The following COL18A1 variants were observed in gnomAD, a reference collection of about 807,000 sequenced individuals.
COL18A1 encodes the protein collagen type XVIII alpha 1 chain.
In COL18A1, 133 loss-of-function variants were observed where a neutral mutation model predicts 168.0. That is an observed-to-expected ratio of 0.79 (90% CI 0.69 to 0.91). The LOEUF is 0.91. Among genes scored for constraint, COL18A1 ranks in the 40% least tolerant of loss-of-function variants. The probability of loss-of-function intolerance (pLI) is 0.00; values close to 1 mark genes in which losing one functional copy is unlikely to be tolerated. For synonymous variants in COL18A1, 949 were observed against 809.0 expected (o/e 1.17, Z -2.94); for missense variants, 2,126 against 1,925.4 (o/e 1.10, Z -1.95).
chr21:45,488,323 G>A (rs17339524), intron 17 of COL18A1, 95 bp from the exon 18 acceptor site: 49,109 of 1,518,554 alleles, frequency 0.032, 960 homozygotes, highest in Middle Eastern at 0.041. Flanking sequence ...GTATTTTGAA[G>A]TCTTGACTGT....
At chr21:45,493,066 C>T in intron 24 of COL18A1, 97 bp from the exon 25 acceptor site, 2 of 1,250,664 alleles carry the variant, frequency 1.6e-6, no homozygotes, top group South Asian at 1.3e-5. Context: ...TCGAGGCAGG[C>T]ATATTGCGGG....
At chr21:45,465,623 G>A (rs962247532) in intron 2 of COL18A1, among the ~76,000 whole-genome samples, 2 of 152,162 alleles carry the variant, frequency 1.3e-5, no homozygotes, top group East Asian at 1.9e-4. Flanking sequence ...ATGTGGGCAC[G>A]AGCGGCCCTG....
rs550476058 is a variant in COL18A1 at position 45,444,149 on chromosome 21, C to T, written c.107-24093C>T. 3.9e-5 allele frequency among the ~76,000 whole-genome samples: 6 copies of T among 152,354 alleles called. No individual in the cohort carries two copies. The South Asian group carries it at 1.2e-3, about 32-fold the overall frequency. On this transcript the variant is annotated intron_variant, in intron 2 of 41. Coordinates refer to ENST00000651438, the MANE Select transcript of COL18A1 (RefSeq NM_001379500.1). The stretch of plus-strand genomic sequence containing the variant: ...GTCCCGTGGCGTCCTCTACCCTTTC[C>T]CATGTGACACATTCGCTCCATGGTA...
intron 2 of COL18A1, among the ~76,000 whole-genome samples, chr21:45,433,758 G>A (rs1034332244): frequency 5.3e-5 from 8 of 152,214 alleles, no homozygotes; most frequent in African/African-American, 1.2e-4. Context: ...TTGGCCAGCC[G>A]TGTGACTGTT....
intron 32 of COL18A1, among the ~76,000 whole-genome samples, chr21:45,503,469 A>G (rs2036975534): frequency 6.6e-6 from 1 of 152,056 alleles, no homozygotes; most frequent in South Asian, 2.1e-4. Flanking sequence ...AAAAATGATG[A>G]GTTCATGTCC....
At chr21:45,482,557 T>G (rs955770811) in intron 14 of COL18A1, among the ~76,000 whole-genome samples, 3 of 152,164 alleles carry the variant, frequency 2.0e-5, no homozygotes, top group Non-Finnish European at 4.4e-5. Flanking sequence ...AGGCCCCACG[T>G]GTAGCCAGGT....
chr21:45,512,122 G>C, intron 41 of COL18A1, 66 bp from the exon 42 acceptor site: 2 of 1,535,436 alleles, frequency 1.3e-6, no homozygotes, highest in South Asian at 1.2e-5. Context: ...TTTCCTGCCC[G>C]GGGAGCGGCC....
intron 2 of COL18A1, chr21:45,422,417 C>T (rs751362004): frequency 5.4e-5 from 28 of 523,188 alleles, no homozygotes; most frequent in South Asian, 3.3e-4. Context: ...CTCACCTCTT[C>T]CTGCAGCTTT....
At chr21:45,459,041 G>T (rs137999111) in intron 2 of COL18A1, among the ~76,000 whole-genome samples, 1 of 152,220 alleles carries the variant, frequency 6.6e-6, no homozygotes, top group African/African-American at 2.4e-5. Flanking sequence ...GTCCCCGTGC[G>T]AGGGAGGCCG....
intron 16 of COL18A1, 108 bp from the exon 17 acceptor site, chr21:45,487,339 G>A (rs1234711228): frequency 3.0e-6 from 4 of 1,321,814 alleles, no homozygotes; most frequent in African/African-American, 1.4e-5. Context: ...CCAGGCCACC[G>A]TGGCCCCAAA....
At chr21:45,461,579 A>G (rs1348895743) in intron 2 of COL18A1, among the ~76,000 whole-genome samples, 1 of 151,704 alleles carries the variant, frequency 6.6e-6, no homozygotes, top group Non-Finnish European at 1.5e-5. Context: ...GTCTGGAGCC[A>G]GGCTGCTGGG....
At chr21:45,430,612 G>A (rs79144954) in intron 2 of COL18A1, among the ~76,000 whole-genome samples, 3,175 of 152,284 alleles carry the variant, frequency 0.021, 104 homozygotes, top group African/African-American at 0.071. Flanking sequence ...CTGATGGAGC[G>A]CGTGGGTGGC....
chr21:45,437,736 A>T (rs1198779333), intron 2 of COL18A1, among the ~76,000 whole-genome samples: 1 of 65,168 alleles, frequency 1.5e-5, no homozygotes, highest in Non-Finnish European at 2.7e-5. Context: ...CTGCACACAC[A>T]CACTCACACA....
rs781126594 is a variant in COL18A1, at chr21:45,455,974, T to C, written c.107-12268T>C. 38 of 1,612,922 alleles carry C rather than the reference T, an allele frequency of 2.4e-5. 1 individual carries two copies. In the South Asian group the frequency reaches 4.1e-4, roughly 17 times the overall value. On this transcript the variant is annotated intron_variant, in intron 2 of 41. Coordinates refer to ENST00000651438, the MANE Select transcript of COL18A1 (RefSeq NM_001379500.1). The stretch of plus-strand genomic sequence containing the variant: ...CGGAAACCCTGGTCCTGGAGACTCC[T>C]GTGGGCCCCCTTGCCCTCGCTGGGC...
chr21:45,410,950 C>T (rs564606457), intron 2 of COL18A1, among the ~76,000 whole-genome samples: 14 of 152,090 alleles, frequency 9.2e-5, no homozygotes, highest in African/African-American at 2.9e-4. Context: ...TGGGCAGGCC[C>T]GAGTCCACAC....
chr21:45,479,406 C>A (rs1485272934), intron 9 of COL18A1, among the ~76,000 whole-genome samples: 3 of 151,550 alleles, frequency 2.0e-5, no homozygotes, highest in African/African-American at 7.3e-5. Context: ...GCTACACGCA[C>A]GTGCACACAT....
intron 2 of COL18A1, among the ~76,000 whole-genome samples, chr21:45,408,289 C>A (rs965712827): frequency 2.0e-5 from 3 of 152,260 alleles, no homozygotes; most frequent in African/African-American, 7.2e-5. Flanking sequence ...CACACAGGTG[C>A]ACATTCCCAG....
intron 32 of COL18A1, 187 bp downstream of exon 32, chr21:45,497,848 G>A (rs1441614401): frequency 1.5e-5 from 11 of 749,056 alleles, no homozygotes; most frequent in Middle Eastern, 3.0e-4. Flanking sequence ...ATTTGGGGGC[G>A]AGGGTGGCTG....
chr21:45,453,513 G>A (rs550481081), intron 2 of COL18A1, among the ~76,000 whole-genome samples: 7 of 152,208 alleles, frequency 4.6e-5, no homozygotes, highest in Non-Finnish European at 8.8e-5. Flanking sequence ...ACCAGATCCC[G>A]GGGGCTGAGC....
Sources: gnomAD v4.1 joint callset for allele counts (sites outside exome capture counted in the v4.1 genomes callset) on GRCh38, gnomAD v4.1.1 for gene constraint, MANE v1.5 for transcripts, NCBI Gene and HGNC (gene_info 2026-07-23, HGNC 2026-07-21) for gene names.